The following PLCZ1 variants were observed in gnomAD, a reference collection of about 807,000 sequenced individuals.
PLCZ1 encodes the protein phospholipase C zeta 1, also known as 1-phosphatidylinositol 4,5-bisphosphate phosphodiesterase zeta-1.
A neutral mutation model predicts 76.8 loss-of-function variants in PLCZ1; 64 were observed. The ratio of observed to expected loss-of-function variants is 0.83; its 90% CI spans 0.68 to 1.03. The LOEUF (loss-of-function observed/expected upper bound fraction) is 1.03, where lower values mean the gene tolerates loss of function less well. Among genes scored for constraint, PLCZ1 ranks in the 50% least tolerant of loss-of-function variants. The probability of loss-of-function intolerance (pLI) is 0.00; values close to 1 mark genes in which losing one functional copy is unlikely to be tolerated. For missense variants in PLCZ1, 751 were observed against 713.7 expected (o/e 1.05, Z -0.60); for synonymous variants, 248 against 230.8 (o/e 1.07, Z -0.68).
intron 6 of PLCZ1, among the ~76,000 whole-genome samples, chr12:18,706,624 C>T (rs1213731391): frequency 6.6e-6 from 1 of 152,174 alleles, no homozygotes; most frequent in Non-Finnish European, 1.5e-5. Flanking sequence ...CAAAACATCA[C>T]TGGATCTTAT....
intron 5 of PLCZ1, among the ~76,000 whole-genome samples, chr12:18,715,438 G>A (rs916702955): frequency 2.0e-5 from 3 of 150,496 alleles, no homozygotes; most frequent in African/African-American, 7.3e-5. Flanking sequence ...GTCTCGCTCT[G>A]TCGCCCAGAC....
chr12:18,707,891 A>T (rs1956812950), intron 6 of PLCZ1, among the ~76,000 whole-genome samples: 1 of 152,180 alleles, frequency 6.6e-6, no homozygotes, highest in Admixed American at 6.6e-5. Flanking sequence ...TTTATTGTGT[A>T]TACTTAAGGT....
chr12:18,734,227 G>GT (rs993137663), intron 3 of PLCZ1, among the ~76,000 whole-genome samples: 1 of 152,116 alleles, frequency 6.6e-6, no homozygotes, highest in African/African-American at 2.4e-5. Flanking sequence ...AAATGAAAAT[G>GT]TTTTCTTGAT....
At chr12:18,706,094 G>A (rs1291538764) in intron 6 of PLCZ1, among the ~76,000 whole-genome samples, 11 of 151,874 alleles carry the variant, frequency 7.2e-5, no homozygotes, top group East Asian at 1.9e-4. Flanking sequence ...TTAGCTAGGC[G>A]TGGTGGCAGG....
chr12:18,719,922 C>T (rs1958340386), intron 4 of PLCZ1, among the ~76,000 whole-genome samples: 1 of 151,982 alleles, frequency 6.6e-6, no homozygotes, highest in Admixed American at 6.6e-5. Flanking sequence ...CAATGAACTT[C>T]GACAAGCTAC....
chr12:18,674,369 A>T, the PLCZ1 span, among the ~76,000 whole-genome samples: 11 of 151,230 alleles, frequency 7.3e-5, no homozygotes, highest in African/African-American at 2.7e-4. Context: ...TTTGTTTTAC[A>T]TGTCTGCAAT....
the PLCZ1 span, among the ~76,000 whole-genome samples, chr12:18,658,208 A>G: frequency 6.6e-6 from 1 of 152,170 alleles, no homozygotes. Context: ...AATACCACCA[A>G]GTATATTAAC....
chr12:18,650,343 ATATATGTG>A, the PLCZ1 span, among the ~76,000 whole-genome samples: 1 of 131,568 alleles, frequency 7.6e-6, no homozygotes, highest in African/African-American at 3.2e-5. Flanking sequence ...ATATATATAT[ATATATGTG>A]TGTGTGTGTG....
intron 13 of PLCZ1, among the ~76,000 whole-genome samples, chr12:18,687,167 C>T (rs2137074287): frequency 6.6e-6 from 1 of 152,210 alleles, no homozygotes; most frequent in South Asian, 2.1e-4. Flanking sequence ...GCAATAAAAT[C>T]TTTCCAAATC....
At chr12:18,658,785 TA>T in the PLCZ1 span, among the ~76,000 whole-genome samples, 2 of 152,194 alleles carry the variant, frequency 1.3e-5, no homozygotes, top group Non-Finnish European at 2.9e-5. Flanking sequence ...GAGAGAATGC[TA>T]TACTTTAGCT....
chr12:18,674,984 T>G, the PLCZ1 span, among the ~76,000 whole-genome samples: 1 of 152,092 alleles, frequency 6.6e-6, no homozygotes, highest in East Asian at 1.9e-4. Flanking sequence ...TTGGAATATC[T>G]AGCCCCAGCC....
At chr12:18,668,614 T>C in the PLCZ1 span, among the ~76,000 whole-genome samples, 2 of 152,252 alleles carry the variant, frequency 1.3e-5, no homozygotes, top group Non-Finnish European at 2.9e-5. Context: ...ACCAACACCC[T>C]GGGGAAGCCC....
At chr12:18,706,827 C>T (rs1956664455) in intron 6 of PLCZ1, among the ~76,000 whole-genome samples, 1 of 152,192 alleles carries the variant, frequency 6.6e-6, no homozygotes, top group African/African-American at 2.4e-5. Context: ...TACTACAAAC[C>T]TTGGTGGCTT....
intron 3 of PLCZ1, among the ~76,000 whole-genome samples, chr12:18,732,831 A>G (rs965585318): frequency 6.6e-6 from 1 of 152,192 alleles, no homozygotes; most frequent in African/African-American, 2.4e-5. Flanking sequence ...GTAATATTTC[A>G]TTGTATGTAC....
chr12:18,652,316 C>A, the PLCZ1 span, among the ~76,000 whole-genome samples: 1 of 152,080 alleles, frequency 6.6e-6, no homozygotes, highest in East Asian at 1.9e-4. Context: ...CACAGATCTG[C>A]ACAGAAGGAA....
rs764466315 is a variant in PLCZ1 at position 18,709,813 on chromosome 12, C to T, written c.714+3029G>A. Among the ~76,000 whole-genome samples the T allele has an allele frequency of 2.2e-4, 34 of 152,180 alleles. 1 individual carries two copies. Among genetic ancestry groups the T allele is most frequent in the Middle Eastern group, 6.8e-3 (2 of 294 alleles). On this transcript the variant is annotated intron_variant, in intron 6 of 14. Coordinates refer to ENST00000266505, the MANE Select transcript of PLCZ1 (RefSeq NM_033123.4). ...TTCAGGAGTATAGGATATCTTTTCA[C>T]GTATTTGTGTCTCCAATTTCTTTCA...
At chr12:18,695,406 T>C (rs963058872) in intron 11 of PLCZ1, among the ~76,000 whole-genome samples, 4 of 152,172 alleles carry the variant, frequency 2.6e-5, no homozygotes, top group African/African-American at 9.6e-5. Flanking sequence ...AGAGTATCAG[T>C]GCATTGAATG....
the PLCZ1 span, among the ~76,000 whole-genome samples, chr12:18,656,249 C>T: frequency 6.6e-6 from 1 of 152,030 alleles, no homozygotes; most frequent in African/African-American, 2.4e-5. Flanking sequence ...GGCAACATAG[C>T]AAGACCCTGT....
chr12:18,682,400 C>T (rs1166071273), downstream of PLCZ1, among the ~76,000 whole-genome samples: 1 of 151,942 alleles, frequency 6.6e-6, no homozygotes, highest in East Asian at 1.9e-4. Context: ...GTGCTGGGTG[C>T]TTTCACATCA....
Sources: allele counts gnomAD v4.1 joint callset (sites outside exome capture counted in the v4.1 genomes callset), GRCh38; gene constraint gnomAD v4.1.1; transcripts MANE v1.5; gene names NCBI Gene and HGNC (gene_info 2026-07-23, HGNC 2026-07-21).